LRRC4C: variants seen among roughly 807,000 people sequenced by gnomAD.
LRRC4C encodes leucine rich repeat containing 4C.
Under a neutral mutation model 33.6 loss-of-function variants are expected in LRRC4C, and 5 were observed. The observed-to-expected ratio is 0.15, with a 90% CI of 0.08 to 0.31. The LOEUF (loss-of-function observed/expected upper bound fraction) is 0.31, where lower values mean the gene tolerates loss of function less well. Ranked by LOEUF, LRRC4C falls within the 10% of genes least tolerant of loss-of-function variation. LRRC4C has a pLI of 1.00. For synonymous variants in LRRC4C, 329 were observed against 302.0 expected (o/e 1.09, Z -0.93); for missense variants, 560 against 796.7 (o/e 0.70, Z 3.58).
intron 2 of LRRC4C, among the ~76,000 whole-genome samples, chr11:40,713,710 C>T (rs759378175): frequency 6.6e-6 from 1 of 152,128 alleles, no homozygotes; most frequent in Non-Finnish European, 1.5e-5. Context: ...GTTTCTCCTT[C>T]TCGCTGATAT....
chr11:41,127,088 C>G (rs1455394003), intron 1 of LRRC4C, among the ~76,000 whole-genome samples: 1 of 152,024 alleles, frequency 6.6e-6, no homozygotes, highest in African/African-American at 2.4e-5. Context: ...TACAAAATTT[C>G]AATTAAAATT....
intron 3 of LRRC4C, among the ~76,000 whole-genome samples, chr11:40,387,212 C>T (rs1435631101): frequency 6.6e-6 from 1 of 151,972 alleles, no homozygotes; most frequent in Non-Finnish European, 1.5e-5. Flanking sequence ...GTATATAATG[C>T]ATTTAGAATA....
intron 2 of LRRC4C, among the ~76,000 whole-genome samples, chr11:40,881,456 A>C (rs1480678390): frequency 6.6e-6 from 1 of 152,182 alleles, no homozygotes; most frequent in Admixed American, 6.6e-5. Context: ...CGTCAAAGCA[A>C]TAAAAACAAA....
intron 2 of LRRC4C, among the ~76,000 whole-genome samples, chr11:40,902,985 C>T (rs189526330): frequency 4.5e-4 from 68 of 152,278 alleles, no homozygotes; most frequent in African/African-American, 1.4e-3. Context: ...GTAGCTACAT[C>T]AAACAACAGA....
intron 1 of LRRC4C, among the ~76,000 whole-genome samples, chr11:41,108,672 A>G (rs989838028): frequency 1.3e-5 from 2 of 152,146 alleles, no homozygotes; most frequent in African/African-American, 2.4e-5. Context: ...TATTTTGCTA[A>G]TTCTGAAAGC....
At position 40,540,498 on chromosome 11, in the gene LRRC4C, A is replaced by G. The variant is rs147092456; in HGVS notation, c.-270+107644T>C. Among the ~76,000 whole-genome samples, 1,481 of 152,234 alleles carry G rather than the reference A, an allele frequency of 9.7e-3. 17 individuals carry two copies. The highest frequency in any genetic ancestry group is 0.03 in the African/African-American group (1,254 of 41,536). On this transcript the variant is annotated intron_variant, in intron 3 of 6. Transcript: ENST00000528697. Reference sequence around the variant, plus strand: ...CAGGAGTATTGTAGATCCTGACCAAATATTTTATAAATTGTAGGAAGACCT... The same window carrying G: ...CAGGAGTATTGTAGATCCTGACCAAGTATTTTATAAATTGTAGGAAGACCT...
At chr11:40,621,130 C>G (rs77137315) in intron 3 of LRRC4C, among the ~76,000 whole-genome samples, 3,064 of 151,812 alleles carry the variant, frequency 0.02, 49 homozygotes, top group South Asian at 0.037. Context: ...AAAACATCCT[C>G]TTAGACAGTC....
At chr11:41,271,097 T>C (rs1417809325) in intron 1 of LRRC4C, among the ~76,000 whole-genome samples, 1 of 152,130 alleles carries the variant, frequency 6.6e-6, no homozygotes, top group Non-Finnish European at 1.5e-5. Flanking sequence ...CCTTCACAGG[T>C]ACCAGGTAGG....
intron 1 of LRRC4C, among the ~76,000 whole-genome samples, chr11:40,971,975 C>G (rs187242711): frequency 4.6e-5 from 7 of 152,226 alleles, no homozygotes; most frequent in African/African-American, 1.7e-4. Flanking sequence ...TTACCCAATG[C>G]CTGTACCTCC....
chr11:41,282,749 G>A (rs536415523), intron 1 of LRRC4C, among the ~76,000 whole-genome samples: 55 of 152,276 alleles, frequency 3.6e-4, no homozygotes, highest in South Asian at 1.5e-3. Flanking sequence ...TGGCCTTTAG[G>A]AAGGGATGCA....
intron 1 of LRRC4C, among the ~76,000 whole-genome samples, chr11:40,966,074 A>T (rs148600602): frequency 6.6e-6 from 1 of 152,100 alleles, no homozygotes; most frequent in African/African-American, 2.4e-5. Context: ...CTCCTTGAAG[A>T]GGTCCTTCAC....
chr11:40,797,057 G>C (rs1441087567), intron 2 of LRRC4C, among the ~76,000 whole-genome samples: 1 of 152,102 alleles, frequency 6.6e-6, no homozygotes, highest in Non-Finnish European at 1.5e-5. Flanking sequence ...AATTTGGATA[G>C]TATTTCTAGA....
chr11:40,834,903 G>GACAC (rs1257327297), intron 2 of LRRC4C, among the ~76,000 whole-genome samples: 1,555 of 38,816 alleles, frequency 0.04, 22 homozygotes, highest in African/African-American at 0.059. Flanking sequence ...CAGACAGACA[G>GACAC]ACAGACAGAC....
At chr11:40,522,873 C>G (rs1304957138) in intron 3 of LRRC4C, among the ~76,000 whole-genome samples, 1 of 152,072 alleles carries the variant, frequency 6.6e-6, no homozygotes, top group Non-Finnish European at 1.5e-5. Context: ...GGCATAGGTC[C>G]AAATATCTTT....
At chr11:40,735,313 C>G (rs990592802) in intron 2 of LRRC4C, among the ~76,000 whole-genome samples, 3 of 150,580 alleles carry the variant, frequency 2.0e-5, no homozygotes, top group Admixed American at 6.6e-5. Context: ...CCTCCCCACT[C>G]CCCCCACCCC....
At chr11:41,130,641 G>C (rs1331921398) in intron 1 of LRRC4C, among the ~76,000 whole-genome samples, 1 of 151,754 alleles carries the variant, frequency 6.6e-6, no homozygotes, top group Non-Finnish European at 1.5e-5. Context: ...TAAAAATTTT[G>C]ATTCAAGAAA....
chr11:40,388,856 C>T (rs1949220148), intron 3 of LRRC4C, among the ~76,000 whole-genome samples: 1 of 152,156 alleles, frequency 6.6e-6, no homozygotes, highest in African/African-American at 2.4e-5. Flanking sequence ...CAGATATTCC[C>T]TGAAGTTCAG....
intron 2 of LRRC4C, among the ~76,000 whole-genome samples, chr11:40,880,523 A>C (rs1955113943): frequency 7.7e-6 from 1 of 130,364 alleles, no homozygotes; most frequent in African/African-American, 2.9e-5. Context: ...GAACCCCTCC[A>C]CAGAATAAGA....
chr11:41,125,666 T>C (rs1942701845), intron 1 of LRRC4C, among the ~76,000 whole-genome samples: 1 of 152,156 alleles, frequency 6.6e-6, no homozygotes, highest in South Asian at 2.1e-4. Context: ...TCATCCACAT[T>C]TGAAACTGGT....
Sources: gnomAD v4.1 joint callset for allele counts (sites outside exome capture counted in the v4.1 genomes callset) on GRCh38, gnomAD v4.1.1 for gene constraint, MANE v1.5 for transcripts, NCBI Gene and HGNC (gene_info 2026-07-23, HGNC 2026-07-21) for gene names.